The following NFIC variants were observed in gnomAD, a reference collection of about 807,000 sequenced individuals.
The protein encoded by NFIC is nuclear factor I C, also known as nuclear factor 1 C-type.
Under a neutral mutation model 54.4 loss-of-function variants are expected in NFIC, and 12 were observed. The observed-to-expected ratio is 0.22, with a 90% CI of 0.14 to 0.36. The LOEUF (loss-of-function observed/expected upper bound fraction) is 0.36. NFIC is among the 10% of genes least tolerant of loss of function. NFIC has a pLI of 1.00. For synonymous variants in NFIC, 322 were observed against 319.2 expected (o/e 1.01, Z -0.09); for missense variants, 575 against 718.2 (o/e 0.80, Z 2.28).
At chr19:3,391,756 C>A (rs907572951) in intron 2 of NFIC, among the ~76,000 whole-genome samples, 3 of 152,094 alleles carry the variant, frequency 2.0e-5, no homozygotes, top group African/African-American at 4.8e-5. Context: ...GAGATTGCAC[C>A]ACTGCCCTCC....
chr19:3,382,008 C>T lies in NFIC; in HGVS notation c.327C>T (p.Pro109=). Residue 109 remains proline, a synonymous_variant, in exon 2 of 11, where the codon CCC becomes CCT. Coordinates refer to ENST00000443272, the MANE Select transcript of NFIC (RefSeq NM_001245002.2). The part of the protein sequence containing the change: ...KKAPGCVLSN[P]DQKGKMRRID... ...CGCCGGGCTGCGTGCTCTCCAACCC[C>T]GACCAGAAGGGCAAGATGCGGCGCA... 5 of 1,613,582 alleles carry T rather than the reference C, an allele frequency of 3.1e-6. No homozygotes were observed. Among genetic ancestry groups the T allele is most frequent in the Non-Finnish European group, 4.2e-6 (5 of 1,179,934 alleles).
At chr19:3,432,040 G>A (rs1012526044) in intron 3 of NFIC, among the ~76,000 whole-genome samples, 1 of 152,094 alleles carries the variant, frequency 6.6e-6, no homozygotes, top group Non-Finnish European at 1.5e-5. Context: ...CTGCTGTGCC[G>A]GGGCCCAGCT....
chr19:3,463,634 C>G lies in NFIC; in HGVS notation c.*865C>G, dbSNP rs1359223186. 1.8e-5 allele frequency: 18 copies of G among 981,558 alleles called. No homozygotes were observed. Among genetic ancestry groups the G allele is most frequent in the African/African-American group, 5.3e-5 (3 of 56,762 alleles). 60.8% of individuals were successfully genotyped at this position (981,558 alleles called of 1,614,324 possible). On this transcript the variant is annotated 3_prime_UTR_variant, in exon 11 of 11. Transcript: ENST00000443272. ...AATTGGCCCCGGCCCCTCCACCCCC[C>G]ACCCCCGGCATAGGAGGCCCCCCCA...
intron 3 of NFIC, among the ~76,000 whole-genome samples, chr19:3,430,931 C>CAAAA (rs59760975): frequency 2.0e-4 from 16 of 80,178 alleles, no homozygotes; most frequent in African/African-American, 3.3e-4. Flanking sequence ...GACTCCGTCT[C>CAAAA]AAAAAAAAAA....
chr19:3,445,907 G>A (rs1001025783), intron 6 of NFIC, among the ~76,000 whole-genome samples: 1 of 152,140 alleles, frequency 6.6e-6, no homozygotes, highest in Admixed American at 6.5e-5. Context: ...GGCATCACCC[G>A]GGGACAGCAG....
At chr19:3,427,329 A>C (rs2082042505) in intron 3 of NFIC, among the ~76,000 whole-genome samples, 1 of 152,046 alleles carries the variant, frequency 6.6e-6, no homozygotes, top group African/African-American at 2.4e-5. Context: ...GTGTCTGCTC[A>C]TCTCCCCAGT....
chr19:3,414,821 T>G lies in NFIC; in HGVS notation c.563-10285T>G, dbSNP rs1160748316. On this transcript the variant is annotated intron_variant, in intron 2 of 10. Transcript: ENST00000443272. ...CTAAAGTGCTTAGTTTGTTTTTTTG[T>G]TTTTTTGTTTTTTGTTTTTTTGTTT... is the stretch of plus-strand genomic sequence containing the variant. 1.5e-4 allele frequency among the ~76,000 whole-genome samples: 23 copies of G among 151,236 alleles called. 1 individual carries two copies. Among genetic ancestry groups the G allele is most frequent in the Admixed American group, 1.5e-3 (23 of 15,156 alleles).
Position 3,452,778 on chromosome 19 carries a change from G to C in NFIC, c.1269+112G>C, listed in dbSNP as rs1599720278. 3.9e-6 allele frequency: 5 copies of C among 1,288,518 alleles called. No individual in the cohort carries two copies. Among genetic ancestry groups the C allele is most frequent in the African/African-American group, 3.0e-5 (2 of 66,344 alleles). 79.8% of individuals were successfully genotyped at this position (1,288,518 alleles called of 1,614,324 possible). On this transcript the variant is annotated intron_variant, in intron 8 of 10. Transcript: ENST00000443272. This position sits in a 1 kb window ranked among gnomAD's most constrained non-coding sequence, Gnocchi z 5.3. ...CTGCTTAAAAGGGTCTTGAGGACTT[G>C]GCTCTGAAGTCCCCTCCTCTGTCGT...
At chr19:3,441,125 A>G (rs1464054506) in intron 6 of NFIC, among the ~76,000 whole-genome samples, 1 of 152,028 alleles carries the variant, frequency 6.6e-6, no homozygotes, top group African/African-American at 2.4e-5. Context: ...CTTTTTCTCT[A>G]TGTCCCTTCC....
In NFIC at chr19:3,420,556, AAAAT is replaced by A. The variant is rs374927099; in HGVS notation, c.563-4522_563-4519del. Among the ~76,000 whole-genome samples the A allele has an allele frequency of 1.6e-4, 23 of 142,750 alleles. 1 individual carries two copies. The East Asian group carries it at 2.3e-3, about 14-fold the overall frequency. The allele number at this position is 142,750 out of a possible 152,430, so 93.6% of individuals were successfully genotyped here. On this transcript the variant is annotated intron_variant, in intron 2 of 10. Transcript: ENST00000443272. The stretch of plus-strand genomic sequence containing the variant: ...AACAAGAGCGAGATTCCATCTCAAA[AAAAT>A]AAATAAATAAATAAATAAATAAATA...
chr19:3,371,388 G>A (rs1038274581), intron 1 of NFIC: 3 of 149,564 alleles, frequency 2.0e-5, no homozygotes, highest in Non-Finnish European at 2.9e-5. Context: ...GCAGCGGTGC[G>A]ATCTTGGCTC....
At position 3,453,613 on chromosome 19, in the gene NFIC, C is replaced by T; in HGVS notation, c.1270-150C>T. The T allele has an allele frequency of 9.0e-7, 1 of 1,115,574 alleles. No homozygotes were observed. Among genetic ancestry groups the T allele is most frequent in the Admixed American group, 3.5e-5 (1 of 28,274 alleles). 69.1% of individuals were successfully genotyped at this position (1,115,574 alleles called of 1,614,324 possible). A position where few individuals can be genotyped will look rare whatever the true frequency, so the allele number is the denominator to read the frequency against. On this transcript the variant is annotated intron_variant, in intron 8 of 10. Transcript: ENST00000443272. The surrounding 1 kb of genome is among the most constrained non-coding windows in gnomAD (Gnocchi z 6.7). ...CCTCCACCTCCGGCCGTCCTCAGAC[C>T]CACCAAACCCGCCATGGTCACACCC... is the stretch of plus-strand genomic sequence containing the variant.
intron 7 of NFIC, 130 bp downstream of exon 7, chr19:3,449,269 C>G (rs1205203833): frequency 1.2e-5 from 17 of 1,376,472 alleles, no homozygotes; most frequent in African/African-American, 1.5e-5. Flanking sequence ...GGCAAAAAAC[C>G]ATAGAGGTGC....
chr19:3,418,375 G>A lies in NFIC; in HGVS notation c.563-6731G>A, dbSNP rs114509499. Among the ~76,000 whole-genome samples the A allele has an allele frequency of 5.5e-3, 838 of 152,202 alleles. 10 individuals carry two copies. Among genetic ancestry groups the A allele is most frequent in the African/African-American group, 0.019 (805 of 41,530 alleles). On this transcript the variant is annotated intron_variant, in intron 2 of 10. Coordinates refer to ENST00000443272, the MANE Select transcript of NFIC (RefSeq NM_001245002.2). The stretch of plus-strand genomic sequence containing the variant: ...GCTTTCCAAAGTACCGAGATTACAG[G>A]CATGTGCCACCACGCCCCGCCTAAT...
In NFIC at chr19:3,452,577, A is replaced by G; in HGVS notation, c.1180A>G (p.Ile394Val). The G allele has an allele frequency of 1.2e-6, 2 of 1,613,836 alleles. No individual in the cohort carries two copies. Among genetic ancestry groups the G allele is most frequent in the Non-Finnish European group, 1.7e-6 (2 of 1,179,970 alleles). Residue 394 changes from isoleucine to valine, a missense_variant, in exon 8 of 11, where the codon ATC (isoleucine) becomes GTC (valine). Ile to Val is a conservative substitution (Grantham distance 29). Coordinates refer to ENST00000443272, the MANE Select transcript of NFIC (RefSeq NM_001245002.2). The surrounding 1 kb of genome is among the most constrained non-coding windows in gnomAD (Gnocchi z 5.3). ...TASTYFPHTAIRYPPHLNPQD... is the reference protein window; with the variant it reads ...TASTYFPHTAVRYPPHLNPQD... ...CTCCACCTACTTCCCCCACACGGCC[A>G]TCCGCTACCCACCTCATCTCAACCC...
intron 1 of NFIC, among the ~76,000 whole-genome samples, chr19:3,381,255 CGTG>C (rs1372454188): frequency 6.6e-6 from 1 of 151,866 alleles, no homozygotes; most frequent in Non-Finnish European, 1.5e-5. Flanking sequence ...ATTAGCTGGG[CGTG>C]GTGGTGGGCA....
intron 1 of NFIC, 152 bp from the exon 2 acceptor site, chr19:3,381,560 G>A (rs541063133): frequency 3.1e-4 from 369 of 1,206,780 alleles, no homozygotes; most frequent in Non-Finnish European, 3.8e-4. Flanking sequence ...CGGCGTGCAC[G>A]GGTCCGCAGC....
intron 3 of NFIC, among the ~76,000 whole-genome samples, chr19:3,429,293 C>CACACACACACACACAT (rs1244819392): frequency 3.0e-5 from 4 of 133,634 alleles, no homozygotes; most frequent in Non-Finnish European, 6.2e-5. Context: ...CACACACACA[C>CACACACACACACACAT]ACTAGCCAAA....
intron 7 of NFIC, among the ~76,000 whole-genome samples, chr19:3,450,775 A>G (rs1215537649): frequency 6.6e-6 from 1 of 152,238 alleles, no homozygotes; most frequent in Non-Finnish European, 1.5e-5. Flanking sequence ...GTGATCAACT[A>G]TTTAGTTCTT....
Sources: gnomAD v4.1 joint callset for allele counts (sites outside exome capture counted in the v4.1 genomes callset) on GRCh38, gnomAD v4.1.1 for gene constraint, Gnocchi (gnomAD v3.1) non-coding constraint, MANE v1.5 for transcripts, NCBI Gene and HGNC (gene_info 2026-07-23, HGNC 2026-07-21) for gene names.